COL22A1: variants seen among roughly 807,000 people sequenced by gnomAD.
The protein encoded by COL22A1 is collagen type XXII alpha 1 chain.
Under a neutral mutation model 248.9 loss-of-function variants are expected in COL22A1, and 221 were observed. The observed-to-expected ratio is 0.89, with a 90% CI of 0.80 to 0.99. The LOEUF is 0.99. Among genes scored for constraint, COL22A1 ranks in the 50% least tolerant of loss-of-function variants. The pLI is 0.00. For missense variants in COL22A1, 2,240 were observed against 2,179.0 expected (o/e 1.03, Z -0.56); for synonymous variants, 891 against 793.4 (o/e 1.12, Z -2.07).
intron 18 of COL22A1, among the ~76,000 whole-genome samples, chr8:138,757,470 C>T (rs200671353): frequency 1.4e-5 from 1 of 72,420 alleles, no homozygotes; most frequent in Non-Finnish European, 3.1e-5. Flanking sequence ...TTATATTACA[C>T]CACAAAAGTG....
chr8:138,647,197 G>C (rs190936062), intron 46 of COL22A1, among the ~76,000 whole-genome samples: 1 of 152,208 alleles, frequency 6.6e-6, no homozygotes, highest in African/African-American at 2.4e-5. Flanking sequence ...CCACCCATGT[G>C]GTAAGGAACT....
intron 44 of COL22A1, among the ~76,000 whole-genome samples, chr8:138,656,953 C>T (rs913808115): frequency 1.3e-5 from 2 of 152,150 alleles, no homozygotes; most frequent in African/African-American, 4.8e-5. Context: ...CATGGGCTTT[C>T]GGTGCCATCC....
chr8:138,901,604 C>A (rs1323543586), intron 1 of COL22A1, among the ~76,000 whole-genome samples: 1 of 152,066 alleles, frequency 6.6e-6, no homozygotes, highest in Admixed American at 6.5e-5. Context: ...TGGGCTCAGG[C>A]AATCTGCCTG....
At chr8:138,603,003 C>T (rs747637684) in intron 59 of COL22A1, among the ~76,000 whole-genome samples, 5 of 152,196 alleles carry the variant, frequency 3.3e-5, no homozygotes, top group Admixed American at 6.5e-5. Context: ...TTGATATTGG[C>T]GAAGGAAATT....
intron 3 of COL22A1, among the ~76,000 whole-genome samples, chr8:138,871,829 G>A (rs761485566): frequency 5.9e-5 from 9 of 152,012 alleles, no homozygotes; most frequent in Non-Finnish European, 1.0e-4. Context: ...TTTGCACTAC[G>A]GAAAGAAAAA....
chr8:138,772,004 G>A lies in COL22A1; in HGVS notation c.1803+3962C>T, dbSNP rs150141151. 3.3e-3 allele frequency among the ~76,000 whole-genome samples: 504 copies of A among 152,328 alleles called. 1 individual carries two copies. The highest frequency in any genetic ancestry group is 0.012 in the African/African-American group (479 of 41,566). On this transcript the variant is annotated intron_variant, in intron 16 of 64. Transcript: ENST00000303045. ...TCAGTGAGTGTTTTCTCCCTGTGATGTTTCCTGGCTCAGGTGAGGTGGTCC... is the reference window on the plus strand; with the variant it reads ...TCAGTGAGTGTTTTCTCCCTGTGATATTTCCTGGCTCAGGTGAGGTGGTCC...
Position 138,826,775 on chromosome 8 carries a change from C to T in COL22A1, c.852G>A (p.Val284=). The T allele has an allele frequency of 1.2e-6, 2 of 1,614,086 alleles. No homozygotes were observed. The highest frequency in any genetic ancestry group is 8.5e-7 in the Non-Finnish European group (1 of 1,179,982). Residue 284 remains valine, a synonymous_variant, in exon 6 of 65, where the codon GTG becomes GTA. Transcript: ENST00000303045. ...SFPVVQSTED[V]FPQGLPDEYA... is the part of the protein sequence containing the mutation. The stretch of plus-strand genomic sequence containing the variant: ...ACTCATCAGGTAAACCTTGGGGGAA[C>T]ACATCCCTGGAGAAAAATGGAGACA...
At chr8:138,911,227 A>G (rs1401782184) in intron 1 of COL22A1, among the ~76,000 whole-genome samples, 1 of 152,146 alleles carries the variant, frequency 6.6e-6, no homozygotes, top group East Asian at 1.9e-4. Flanking sequence ...TCCTCCACTC[A>G]TCCTTTTAGC....
chr8:138,841,514 G>C (rs191821534), intron 4 of COL22A1, among the ~76,000 whole-genome samples: 107 of 152,250 alleles, frequency 7.0e-4, no homozygotes, highest in African/African-American at 2.5e-3. Flanking sequence ...CCACACAGAG[G>C]TAATACCATC....
At chr8:138,843,903 T>A (rs1037410551) in intron 4 of COL22A1, among the ~76,000 whole-genome samples, 181 bp downstream of exon 4, 1 of 152,216 alleles carries the variant, frequency 6.6e-6, no homozygotes, top group Non-Finnish European at 1.5e-5. Context: ...TTCTTTCCTG[T>A]TGGATGGTTC....
chr8:138,810,061 T>C (rs752272466), intron 9 of COL22A1, among the ~76,000 whole-genome samples: 14 of 152,076 alleles, frequency 9.2e-5, no homozygotes, highest in Non-Finnish European at 1.9e-4. Context: ...AAAAGGAATA[T>C]GCTGTCATGG....
chr8:138,786,655 C>T (rs1815549184), intron 12 of COL22A1, among the ~76,000 whole-genome samples: 1 of 152,288 alleles, frequency 6.6e-6, no homozygotes, highest in South Asian at 2.1e-4. Flanking sequence ...CTTGTAATCC[C>T]AGCACTTTGG....
At chr8:138,848,135 G>A (rs1821379020) in intron 3 of COL22A1, among the ~76,000 whole-genome samples, 2 of 152,180 alleles carry the variant, frequency 1.3e-5, no homozygotes, top group African/African-American at 4.8e-5. Context: ...AGTTAAAAAT[G>A]TGGATTGAAT....
At chr8:138,817,774 C>T (rs192213154) in intron 7 of COL22A1, among the ~76,000 whole-genome samples, 39 of 152,210 alleles carry the variant, frequency 2.6e-4, no homozygotes, top group Admixed American at 1.7e-3. Flanking sequence ...TGAAAGCTGG[C>T]GGTATTCCAG....
intron 52 of COL22A1, 92 bp downstream of exon 52, chr8:138,623,640 A>T (rs7836250): frequency 1.8e-6 from 2 of 1,090,370 alleles, no homozygotes; most frequent in Non-Finnish European, 2.7e-6. Context: ...TATCTTCGAG[A>T]CTGGTTCAAA....
intron 1 of COL22A1, among the ~76,000 whole-genome samples, chr8:138,891,410 C>T (rs1325756918): frequency 1.3e-5 from 2 of 152,216 alleles, no homozygotes; most frequent in Non-Finnish European, 2.9e-5. Context: ...GTCTTGGCAT[C>T]AGATCTGAAG....
At position 138,630,803 on chromosome 8, in the gene COL22A1, A is replaced by G. The variant is rs537259809; in HGVS notation, c.3610-55T>C. 7.3e-5 allele frequency: 107 copies of G among 1,460,250 alleles called. 1 individual carries two copies. In the South Asian group the frequency reaches 1.1e-3, roughly 15 times the overall value. 90.5% of individuals were successfully genotyped at this position (1,460,250 alleles called of 1,614,324 possible). A position where few individuals can be genotyped will look rare whatever the true frequency, so the allele number is the denominator to read the frequency against. ...CTTGTGCATCTAGACAGAGGTCATT[A>G]GCACCCTCTGCTTTGAATACAAAGC... On this transcript the variant is annotated intron_variant, in intron 49 of 64. Transcript: ENST00000303045.
chr8:138,624,036 A>G (rs1269489587), intron 51 of COL22A1, among the ~76,000 whole-genome samples: 2 of 151,824 alleles, frequency 1.3e-5, no homozygotes, highest in Non-Finnish European at 2.9e-5. Context: ...TTGTAATAGC[A>G]TTATTATTAT....
At chr8:138,633,915 G>T (rs144383796) in intron 49 of COL22A1, among the ~76,000 whole-genome samples, 2 of 152,296 alleles carry the variant, frequency 1.3e-5, no homozygotes, top group African/African-American at 2.4e-5. Flanking sequence ...GTGAGGCTGA[G>T]AAATTAAAAA....
Sources: gnomAD v4.1 joint callset for allele counts (sites outside exome capture counted in the v4.1 genomes callset) on GRCh38, gnomAD v4.1.1 for gene constraint, MANE v1.5 for transcripts, NCBI Gene and HGNC (gene_info 2026-07-23, HGNC 2026-07-21) for gene names.